The following PTPRU variants were observed in gnomAD, a reference collection of about 807,000 sequenced individuals.
PTPRU encodes protein tyrosine phosphatase receptor type U, also known as receptor-type tyrosine-protein phosphatase U.
Under a neutral mutation model 166.3 loss-of-function variants are expected in PTPRU, and 69 were observed. The observed-to-expected ratio is 0.41, with a 90% CI of 0.34 to 0.51. PTPRU has a LOEUF of 0.51. Among genes scored for constraint, PTPRU ranks in the 20% least tolerant of loss-of-function variants. The probability of loss-of-function intolerance (pLI) is 0.09; values close to 1 mark genes in which losing one functional copy is unlikely to be tolerated. For synonymous variants in PTPRU, 793 were observed against 814.0 expected (o/e 0.97, Z 0.44); for missense variants, 1,657 against 2,013.7 (o/e 0.82, Z 3.39).
intron 2 of PTPRU, among the ~76,000 whole-genome samples, 165 bp downstream of exon 2, chr1:29,255,571 T>A (rs142458732): frequency 6.6e-6 from 1 of 152,292 alleles, no homozygotes; most frequent in African/African-American, 2.4e-5. Flanking sequence ...CTGGACACTG[T>A]CTAATTGTGC....
At chr1:29,305,888 G>A (rs2235936) in intron 18 of PTPRU, among the ~76,000 whole-genome samples, 20,123 of 152,110 alleles carry the variant, frequency 0.13, 1,596 homozygotes, top group East Asian at 0.35. Context: ...GAATAATAAC[G>A]CACATTTATC....
At position 29,312,712 on chromosome 1, in the gene PTPRU, G is replaced by T. The variant is rs1268938772; in HGVS notation, c.3227+6G>T. ...CCCATTGTCATCCACTGCAGGTGGGGGCACCGGGAATCCCAAGGAGAAAAG... is the reference window on the plus strand; with the variant it reads ...CCCATTGTCATCCACTGCAGGTGGGTGCACCGGGAATCCCAAGGAGAAAAG... On this transcript the variant is annotated splice_donor_region_variant and intron_variant, in intron 22 of 29. Transcript: ENST00000373779. 3 of 1,597,054 alleles carry T rather than the reference G, an allele frequency of 1.9e-6. No individual in the cohort carries two copies. The highest frequency in any genetic ancestry group is 1.3e-5 in the African/African-American group (1 of 74,644).
chr1:29,310,020 C>A (rs761737250), intron 18 of PTPRU, among the ~76,000 whole-genome samples: 2 of 152,068 alleles, frequency 1.3e-5, no homozygotes, highest in African/African-American at 2.4e-5. Context: ...GGTGGCTTGT[C>A]GGAGGGCAGG....
intron 18 of PTPRU, among the ~76,000 whole-genome samples, chr1:29,310,497 T>TGC (rs1488448032): frequency 6.6e-6 from 1 of 152,066 alleles, no homozygotes; most frequent in Non-Finnish European, 1.5e-5. Context: ...AGGAGTCATG[T>TGC]CCTCCCTGGG....
rs1687658674 is a variant in PTPRU at position 29,311,539 on chromosome 1, G to A, written c.2941G>A (p.Val981Ile). 6.2e-7 allele frequency: 1 copy of A among 1,614,222 alleles called. No individual in the cohort carries two copies. Among genetic ancestry groups the A allele is most frequent in the African/African-American group, 1.3e-5 (1 of 75,066 alleles). Residue 981 changes from valine (V) to isoleucine (I), a missense_variant, in exon 20 of 30, where the codon GTC becomes ATC. This residue lies in a region of PTPRU where 1,190 missense variants were observed against 1,477.4 expected (regional missense o/e 0.81). Coordinates refer to ENST00000373779, the MANE Select transcript of PTPRU (RefSeq NM_133178.4). The surrounding 1 kb of genome is among the most constrained non-coding windows in gnomAD (Gnocchi z 4.1). ...CSSIVMITKL[V>I]EVGRVKCSRY... ...CAGCATCGTCATGATCACCAAGCTG[G>A]TCGAGGTGGGCAGGGTAAGCCGGGC...
At chr1:29,294,289 C>T (rs749907691) in intron 15 of PTPRU, among the ~76,000 whole-genome samples, 8 of 152,188 alleles carry the variant, frequency 5.3e-5, no homozygotes, top group Non-Finnish European at 8.8e-5. Flanking sequence ...TGGTAATTCT[C>T]TATAGTCTTA....
In PTPRU at chr1:29,258,631, G is replaced by C; in HGVS notation, c.332G>C (p.Gly111Ala). The C allele has an allele frequency of 1.2e-6, 2 of 1,614,252 alleles. No homozygotes were observed. The highest frequency in any genetic ancestry group is 1.7e-6 in the Non-Finnish European group (2 of 1,180,038). Reference sequence around the variant, plus strand: ...AGCTACTTCCTGTACAGCCGGGACGGGCACAGCCCGGGCACCCTGGGCGTC... The same window carrying C: ...AGCTACTTCCTGTACAGCCGGGACGCGCACAGCCCGGGCACCCTGGGCGTC... Reference protein sequence around the residue: ...QFSYFLYSRDGHSPGTLGVYV... With the variant: ...QFSYFLYSRDAHSPGTLGVYV... Residue 111 changes from glycine to alanine, a missense_variant, in exon 3 of 30, where the codon GGG (glycine) becomes GCG (alanine). This residue lies in a region of PTPRU where 453 missense variants were observed against 496.9 expected (regional missense o/e 0.91). Transcript: ENST00000373779.
intron 7 of PTPRU, among the ~76,000 whole-genome samples, chr1:29,268,776 C>T (rs1184373297): frequency 6.6e-6 from 1 of 152,304 alleles, no homozygotes; most frequent in East Asian, 1.9e-4. Context: ...CAGGGTTCCG[C>T]AGAGGATCTC....
chr1:29,322,394 G>A (rs1303358316), intron 26 of PTPRU, among the ~76,000 whole-genome samples: 1 of 152,206 alleles, frequency 6.6e-6, no homozygotes, highest in Non-Finnish European at 1.5e-5. Flanking sequence ...GAAAGAGCTG[G>A]CACAGGGACA....
chr1:29,251,301 C>G (rs1454641881), intron 1 of PTPRU, among the ~76,000 whole-genome samples: 3 of 151,948 alleles, frequency 2.0e-5, no homozygotes, highest in Non-Finnish European at 4.4e-5. Flanking sequence ...GTCAGTCAGC[C>G]CATCCAGAGT....
At position 29,260,349 on chromosome 1, in the gene PTPRU, C is replaced by T. The variant is rs1684998657; in HGVS notation, c.851-261C>T. ...CTGGCCTGCGGTCCGCTCCAGGAGG[C>T]GAGGATGTGGGGGATTAGGAGGGGC... On this transcript the variant is annotated intron_variant, in intron 6 of 29. Coordinates refer to ENST00000373779, the MANE Select transcript of PTPRU (RefSeq NM_133178.4). This position sits in a 1 kb window ranked among gnomAD's most constrained non-coding sequence, Gnocchi z 8.3. 1.1e-5 allele frequency: 5 copies of T among 461,480 alleles called. No homozygotes were observed. Among genetic ancestry groups the T allele is most frequent in the Middle Eastern group, 5.5e-4 (1 of 1,834 alleles). 28.6% of individuals were successfully genotyped at this position (461,480 alleles called of 1,614,324 possible). A position where few individuals can be genotyped will look rare whatever the true frequency, so the allele number is the denominator to read the frequency against.
In PTPRU at chr1:29,275,688, G is replaced by A. The variant is rs1229548485; in HGVS notation, c.1385G>A (p.Arg462Lys). 4 of 1,614,094 alleles carry A rather than the reference G, an allele frequency of 2.5e-6. No homozygotes were observed. Among genetic ancestry groups the A allele is most frequent in the Non-Finnish European group, 3.4e-6 (4 of 1,180,050 alleles). ...NLLPYRNVHVRLVLTNPEGRK... is the reference protein window; with the variant it reads ...NLLPYRNVHVKLVLTNPEGRK... ...CTGCCCTATCGGAACGTTCACGTGA[G>A]GCTTGTCCTCACTAACCCTGAGGGG... is the stretch of plus-strand genomic sequence containing the variant. Residue 462 changes from arginine to lysine, a missense_variant, in exon 8 of 30, where the codon AGG becomes AAG. Transcript: ENST00000373779.
chr1:29,272,080 C>T (rs1223090959), intron 7 of PTPRU, among the ~76,000 whole-genome samples: 3 of 152,162 alleles, frequency 2.0e-5, no homozygotes, highest in Non-Finnish European at 4.4e-5. Flanking sequence ...TGAAGAATAA[C>T]GCGAGGACCT....
rs764498452 is a variant in PTPRU at position 29,317,815 on chromosome 1, G to A, written c.3581G>A (p.Arg1194His). The A allele has an allele frequency of 8.1e-6, 13 of 1,613,390 alleles. No homozygotes were observed. Among genetic ancestry groups the A allele is most frequent in the South Asian group, 4.4e-5 (4 of 91,090 alleles). Residue 1194 changes from arginine to histidine, a missense_variant, in exon 25 of 30, where the codon CGC becomes CAC. Physicochemically the swap from Arg to His is conservative, Grantham distance 29. Around this residue, in one of 3 missense-constraint regions of PTPRU, gnomAD observed 1,190 missense variants for 1,477.4 expected, o/e 0.81. Transcript: ENST00000373779. This position sits in a 1 kb window ranked among gnomAD's most constrained non-coding sequence, Gnocchi z 5.6. ...AGCATCGCCCTGTTGCCCCGGAACC[G>A]CGACAAGAACCGCAGCATGGACGTC... is the stretch of plus-strand genomic sequence containing the variant. The part of the protein sequence containing the change: ...ECSIALLPRN[R>H]DKNRSMDVLP...
intron 1 of PTPRU, among the ~76,000 whole-genome samples, chr1:29,242,682 T>G (rs1335067997): frequency 2.6e-5 from 4 of 152,186 alleles, no homozygotes; most frequent in African/African-American, 9.7e-5. Context: ...CAGACAGCAC[T>G]GGTCTAGAGG....
intron 7 of PTPRU, among the ~76,000 whole-genome samples, chr1:29,267,077 A>C (rs1685336224): frequency 6.6e-6 from 1 of 152,172 alleles, no homozygotes; most frequent in Admixed American, 6.6e-5. Flanking sequence ...AACAGCAACA[A>C]TAATTAGCTG....
Position 29,325,232 on chromosome 1 carries a change from C to G in PTPRU, c.4154C>G (p.Thr1385Arg). ...GRSGTFCACA[T>R]VLEMIRCHNL... ...AGCGGCACCTTCTGCGCCTGCGCCA[C>G]GGTCCTGGAGATGATCCGCTGCCAC... Residue 1385 changes from threonine to arginine, a missense_variant, in exon 29 of 30, where the codon ACG (threonine) becomes AGG (arginine). By Grantham distance (71) the Thr-to-Arg change is moderately conservative (BLOSUM62 -1). Transcript: ENST00000373779. 4 of 1,614,206 alleles carry G rather than the reference C, an allele frequency of 2.5e-6. 1 individual carries two copies. The highest frequency in any genetic ancestry group is 2.2e-5 in the South Asian group (2 of 91,084).
At chr1:29,282,532 G>A (rs1686124528) in intron 11 of PTPRU, 144 bp from the exon 12 acceptor site, 3 of 1,149,338 alleles carry the variant, frequency 2.6e-6, no homozygotes, top group Non-Finnish European at 3.6e-6. Context: ...GGAGGTTAGG[G>A]GACTTGCCCA....
rs1684990479 is a variant in PTPRU, at chr1:29,260,202, G to C, written c.850+158G>C. 1 of 872,016 alleles carries C rather than the reference G, an allele frequency of 1.1e-6. No homozygotes were observed. Among genetic ancestry groups the C allele is most frequent in the Non-Finnish European group, 1.6e-6 (1 of 629,076 alleles). The allele number at this position is 872,016 out of a possible 1,614,324, so 54.0% of individuals were successfully genotyped here. A position where few individuals can be genotyped will look rare whatever the true frequency, so the allele number is the denominator to read the frequency against. On this transcript the variant is annotated intron_variant, in intron 6 of 29. Coordinates refer to ENST00000373779, the MANE Select transcript of PTPRU (RefSeq NM_133178.4). This position sits in a 1 kb window ranked among gnomAD's most constrained non-coding sequence, Gnocchi z 8.3. ...AGATGGGCCTGTGGAAATGGCAGTG[G>C]CCCAGCCGGGATGAGATCTGATCTA...
Sources: allele counts gnomAD v4.1 joint callset (sites outside exome capture counted in the v4.1 genomes callset), GRCh38; gene constraint gnomAD v4.1.1; regional missense constraint gnomAD v4.1.1; non-coding constraint Gnocchi (gnomAD v3.1); transcripts MANE v1.5; gene names NCBI Gene and HGNC (gene_info 2026-07-23, HGNC 2026-07-21).